MAP3K2: variants seen among roughly 807,000 people sequenced by gnomAD.
The protein encoded by MAP3K2 is MAP/ERK kinase kinase 2.
Under a neutral mutation model 80.3 loss-of-function variants are expected in MAP3K2, and 24 were observed. The observed-to-expected ratio is 0.30, with a 90% CI of 0.22 to 0.42. The LOEUF (loss-of-function observed/expected upper bound fraction) is 0.42. Among genes scored for constraint, MAP3K2 ranks in the 10% least tolerant of loss-of-function variants. MAP3K2 has a pLI of 1.00. For synonymous variants in MAP3K2, 244 were observed against 253.7 expected (o/e 0.96, Z 0.36); for missense variants, 608 against 750.1 (o/e 0.81, Z 2.21).
At chr2:127,379,121 C>G (rs1466343880) in intron 1 of MAP3K2, among the ~76,000 whole-genome samples, 1 of 151,550 alleles carries the variant, frequency 6.6e-6, no homozygotes, top group African/African-American at 2.4e-5. Context: ...GGTGCCTGGC[C>G]TCTATGTTTT....
intron 14 of MAP3K2, among the ~76,000 whole-genome samples, 195 bp downstream of exon 14, chr2:127,317,434 C>G (rs2104814788): frequency 6.6e-6 from 1 of 152,194 alleles, no homozygotes; most frequent in Non-Finnish European, 1.5e-5. Flanking sequence ...CTTGAGAATA[C>G]TTTTATCATT....
At chr2:127,372,877 G>A (rs1687089945) in intron 1 of MAP3K2, among the ~76,000 whole-genome samples, 1 of 152,138 alleles carries the variant, frequency 6.6e-6, no homozygotes, top group South Asian at 2.1e-4. Context: ...TTCCCAAAAG[G>A]TCTGGTAAAT....
intron 1 of MAP3K2, among the ~76,000 whole-genome samples, chr2:127,353,232 G>A (rs1452515857): frequency 4.0e-5 from 6 of 151,848 alleles, no homozygotes; most frequent in Non-Finnish European, 5.9e-5. Flanking sequence ...CTGTCCTGCC[G>A]CCATCCCATC....
At chr2:127,344,406 T>TG (rs990484000) in intron 1 of MAP3K2, among the ~76,000 whole-genome samples, 1 of 149,626 alleles carries the variant, frequency 6.7e-6, no homozygotes, top group African/African-American at 2.5e-5. Context: ...ACTAGCAATT[T>TG]GGGGGGGCCA....
chr2:127,323,271 G>A (rs34601617), intron 11 of MAP3K2, among the ~76,000 whole-genome samples: 27,150 of 151,804 alleles, frequency 0.18, 2,940 homozygotes, highest in South Asian at 0.34. Context: ...GGTGAGAATC[G>A]CTTGAACCCA....
chr2:127,310,417 G>A lies in MAP3K2; in HGVS notation c.1457-1655C>T, dbSNP rs548054905. ...TACTCCTAGCACTTTGGGAGGCAAA[G>A]GTGGGTGGATCGCTTGAGCTCAGGA... On this transcript the variant is annotated intron_variant, in intron 15 of 16. Coordinates refer to ENST00000682094, the MANE Select transcript of MAP3K2 (RefSeq NM_001371910.2). The surrounding 1 kb of genome is among the most constrained non-coding windows in gnomAD (Gnocchi z 4.8). Among the ~76,000 whole-genome samples the A allele has an allele frequency of 5.9e-5, 9 of 152,224 alleles. No homozygotes were observed. The highest frequency in any genetic ancestry group is 8.8e-5 in the Non-Finnish European group (6 of 68,046).
rs775967648 is a variant in MAP3K2 at position 127,343,112 on chromosome 2, T to C, written c.4+14A>G. 3.9e-6 allele frequency: 6 copies of C among 1,550,822 alleles called. No homozygotes were observed. The South Asian group carries it at 7.2e-5, about 19-fold the overall frequency. ...TTTAATTATTGCTGAAAAATGCTTT[T>C]AGTTTGAACTCACCCATTATGGCAA... is the stretch of plus-strand genomic sequence containing the variant. On this transcript the variant is annotated intron_variant, in intron 2 of 16. Transcript: ENST00000682094.
At chr2:127,386,425 T>C (rs183934275) in intron 1 of MAP3K2, among the ~76,000 whole-genome samples, 1 of 152,332 alleles carries the variant, frequency 6.6e-6, no homozygotes, top group African/African-American at 2.4e-5. Flanking sequence ...AAAGATTGCA[T>C]AAGACAACGA....
rs1250483171 is a variant in MAP3K2, at chr2:127,364,749, TCCCTCCACCTTTC to T, written c.-65-21568_-65-21556del. ...ACTTTATTCTGCACTCATCTTCTTT[TCCCTCCACCTTTC>T]CCCTCATCTTTAAAAATATACCCCT... On this transcript the variant is annotated intron_variant, in intron 1 of 16. Coordinates refer to ENST00000682094, the MANE Select transcript of MAP3K2 (RefSeq NM_001371910.2). This position sits in a 1 kb window ranked among gnomAD's most constrained non-coding sequence, Gnocchi z 4.1. Among the ~76,000 whole-genome samples the T allele has an allele frequency of 2.0e-5, 3 of 152,296 alleles. No homozygotes were observed. The highest frequency in any genetic ancestry group is 7.2e-5 in the African/African-American group (3 of 41,558).
At chr2:127,369,790 T>C (rs564032293) in intron 1 of MAP3K2, among the ~76,000 whole-genome samples, 112 of 152,324 alleles carry the variant, frequency 7.4e-4, no homozygotes, top group Non-Finnish European at 1.3e-3. Context: ...AAGTGGTGAA[T>C]GTTTCTAGGT....
At chr2:127,325,896 A>G (rs1431928805) in intron 8 of MAP3K2, 89 bp from the exon 9 acceptor site, 16 of 816,980 alleles carry the variant, frequency 2.0e-5, no homozygotes, top group Non-Finnish European at 2.9e-5. Context: ...GACATACTTC[A>G]TGTAACATAA....
In MAP3K2 at chr2:127,319,650, C is replaced by CAAAAAAAAAA. The variant is rs57472022; in HGVS notation, c.1046-1343_1046-1334dup. Among the ~76,000 whole-genome samples, 520 of 71,832 alleles carry CAAAAAAAAAA rather than the reference C, an allele frequency of 7.2e-3. 2 individuals are homozygous for CAAAAAAAAAA. Among genetic ancestry groups the CAAAAAAAAAA allele is most frequent in the Middle Eastern group, 0.042 (2 of 48 alleles). 47.1% of individuals were successfully genotyped at this position (71,832 alleles called of 152,430 possible). On this transcript the variant is annotated intron_variant, in intron 12 of 16. Transcript: ENST00000682094. ...TGAAACCCCATCTCTACTAAAAATA[C>CAAAAAAAAAA]AAAAAAAAAAAAAAAAAAAAAAAAA...
At chr2:127,386,503 C>T (rs1230376125) in intron 1 of MAP3K2, among the ~76,000 whole-genome samples, 6 of 152,170 alleles carry the variant, frequency 3.9e-5, no homozygotes, top group Non-Finnish European at 2.9e-5. Context: ...AGCAAATAAC[C>T]CAACTGTGAG....
chr2:127,332,537 T>C (rs1375807934), intron 5 of MAP3K2, among the ~76,000 whole-genome samples: 7 of 152,232 alleles, frequency 4.6e-5, no homozygotes, highest in Non-Finnish European at 8.8e-5. Flanking sequence ...GCCTGTGTTC[T>C]AAGGTTACCT....
rs761851395 is a variant in MAP3K2 at position 127,330,387 on chromosome 2, C to T, written c.378+5G>A. ...TCTTACTGAAAAAAATATCCCAAAT[C>T]ATACCTGTGTACTTCCATTTATTAC... is the stretch of plus-strand genomic sequence containing the variant. On this transcript the variant is annotated splice_donor_5th_base_variant and intron_variant, in intron 6 of 16. Coordinates refer to ENST00000682094, the MANE Select transcript of MAP3K2 (RefSeq NM_001371910.2). 1 of 1,464,860 alleles carries T rather than the reference C, an allele frequency of 6.8e-7. No homozygotes were observed. The highest frequency in any genetic ancestry group is 9.4e-7 in the Non-Finnish European group (1 of 1,060,906). 90.7% of individuals were successfully genotyped at this position (1,464,860 alleles called of 1,614,324 possible). A position where few individuals can be genotyped will look rare whatever the true frequency, so the allele number is the denominator to read the frequency against.
chr2:127,380,317 C>A (rs1687224705), intron 1 of MAP3K2, among the ~76,000 whole-genome samples: 1 of 152,042 alleles, frequency 6.6e-6, no homozygotes. Context: ...TTCTCAGTGA[C>A]AATAAAGGGA....
At chr2:127,327,292 C>T (rs1301353332) in intron 7 of MAP3K2, among the ~76,000 whole-genome samples, 1 of 152,034 alleles carries the variant, frequency 6.6e-6, no homozygotes, top group Non-Finnish European at 1.5e-5. Context: ...ACATTTTAGC[C>T]TTATGTAAAG....
chr2:127,362,842 G>T (rs1304172216), intron 1 of MAP3K2, among the ~76,000 whole-genome samples: 1 of 152,144 alleles, frequency 6.6e-6, no homozygotes, highest in Non-Finnish European at 1.5e-5. Flanking sequence ...TTAAAAAATA[G>T]CTAACATTTA....
At chr2:127,376,139 A>G (rs973140233) in intron 1 of MAP3K2, among the ~76,000 whole-genome samples, 33 of 152,300 alleles carry the variant, frequency 2.2e-4, no homozygotes, top group Non-Finnish European at 4.4e-4. Flanking sequence ...GGAAGGCTGT[A>G]AGGTTTTTAC....
Sources: allele counts gnomAD v4.1 joint callset (sites outside exome capture counted in the v4.1 genomes callset), GRCh38; gene constraint gnomAD v4.1.1; non-coding constraint Gnocchi (gnomAD v3.1); transcripts MANE v1.5; gene names NCBI Gene and HGNC (gene_info 2026-07-23, HGNC 2026-07-21).